Variants in LRRC40 observed in about 807,000 individuals in gnomAD.
LRRC40 encodes leucine rich repeat containing 40.
Under a neutral mutation model 72.8 loss-of-function variants are expected in LRRC40, and 76 were observed. That is an observed-to-expected ratio of 1.04 (90% CI 0.87 to 1.26). The LOEUF (loss-of-function observed/expected upper bound fraction) is 1.26, where lower values mean the gene tolerates loss of function less well. Among genes scored for constraint, LRRC40 ranks in the 50% most tolerant of loss-of-function variants. LRRC40 has a pLI of 0.00. For synonymous variants in LRRC40, 243 were observed against 254.2 expected (o/e 0.96, Z 0.42); for missense variants, 684 against 698.9 (o/e 0.98, Z 0.24).
At chr1:70,154,246 A>G (rs1667586225) in intron 11 of LRRC40, among the ~76,000 whole-genome samples, 1 of 152,160 alleles carries the variant, frequency 6.6e-6, no homozygotes, top group South Asian at 2.1e-4. Context: ...TTTTAATGCA[A>G]CATGTCCATG....
rs676753 is a variant in LRRC40 at position 70,145,525 on chromosome 1, A to C, written c.*275T>G. 4.6e-6 allele frequency: 1 copy of C among 218,938 alleles called. No individual in the cohort carries two copies. Among genetic ancestry groups the C allele is most frequent in the Non-Finnish European group, 8.9e-6 (1 of 112,792 alleles). The allele number at this position is 218,938 out of a possible 1,614,324, so 13.6% of individuals were successfully genotyped here. On this transcript the variant is annotated 3_prime_UTR_variant, in exon 15 of 15. Transcript: ENST00000370952. Reference sequence around the variant, plus strand: ...ATGAAAGTTAGCAGGATAAATCATAAGCAAAACATTTAGAACAAATGTATG... The same window carrying C: ...ATGAAAGTTAGCAGGATAAATCATACGCAAAACATTTAGAACAAATGTATG...
intron 2 of LRRC40, among the ~76,000 whole-genome samples, chr1:70,188,242 C>A (rs1281384115): frequency 6.6e-6 from 1 of 152,036 alleles, no homozygotes; most frequent in Admixed American, 6.6e-5. Context: ...GTAAAGTATA[C>A]CAGATTGTGA....
At chr1:70,159,559 G>T in intron 9 of LRRC40, 121 bp from the exon 10 acceptor site, 1 of 441,298 alleles carries the variant, frequency 2.3e-6, no homozygotes, top group Non-Finnish European at 4.1e-6. Context: ...AATGCCTTTA[G>T]TCATATGCTT....
intron 1 of LRRC40, among the ~76,000 whole-genome samples, chr1:70,198,152 A>T (rs539617411): frequency 6.6e-6 from 1 of 152,278 alleles, no homozygotes; most frequent in East Asian, 1.9e-4. Flanking sequence ...TTTCTTCATG[A>T]TTAGGTGCCC....
At chr1:70,171,884 T>C (rs1668007353) in intron 9 of LRRC40, among the ~76,000 whole-genome samples, 1 of 152,162 alleles carries the variant, frequency 6.6e-6, no homozygotes, top group African/African-American at 2.4e-5. Flanking sequence ...ACATTCACAC[T>C]GAAACCTGTA....
chr1:70,155,937 C>T, intron 10 of LRRC40, 141 bp from the exon 11 acceptor site: 1 of 430,606 alleles, frequency 2.3e-6, no homozygotes, highest in Non-Finnish European at 4.2e-6. Flanking sequence ...TAACAAATGC[C>T]ACATAATCTA....
intron 1 of LRRC40, among the ~76,000 whole-genome samples, chr1:70,194,399 T>C (rs1432745884): frequency 2.6e-5 from 4 of 152,106 alleles, no homozygotes; most frequent in African/African-American, 7.2e-5. Flanking sequence ...AAGATCTGTA[T>C]ATGAAAATAC....
chr1:70,198,449 T>C (rs1668662576), intron 1 of LRRC40, among the ~76,000 whole-genome samples: 1 of 152,166 alleles, frequency 6.6e-6, no homozygotes, highest in South Asian at 2.1e-4. Context: ...ACCATGGTCA[T>C]GCAACTGGAA....
intron 1 of LRRC40, among the ~76,000 whole-genome samples, chr1:70,197,309 A>C (rs1668636529): frequency 6.6e-6 from 1 of 151,360 alleles, no homozygotes; most frequent in African/African-American, 2.4e-5. Context: ...TTTTTTTGAG[A>C]GCCTGTCACC....
chr1:70,194,629 T>C (rs1183503381), intron 1 of LRRC40, among the ~76,000 whole-genome samples: 2 of 149,780 alleles, frequency 1.3e-5, no homozygotes, highest in Non-Finnish European at 3.0e-5. Flanking sequence ...TCAAAAAATT[T>C]TGAAATAAAA....
rs1428936482 is a variant in LRRC40 at position 70,145,651 on chromosome 1, T to TA, written c.*148dup. ...TACTGGCAGTGAATATGGCCCAGGCTAATTATACCAACAGGTAGGTGATAC... is the reference window on the plus strand; with the variant it reads ...TACTGGCAGTGAATATGGCCCAGGCTAAATTATACCAACAGGTAGGTGATAC... On this transcript the variant is annotated 3_prime_UTR_variant, in exon 15 of 15. Coordinates refer to ENST00000370952, the MANE Select transcript of LRRC40 (RefSeq NM_017768.5). 1 of 479,892 alleles carries TA rather than the reference T, an allele frequency of 2.1e-6. No individual in the cohort carries two copies. The highest frequency in any genetic ancestry group is 3.8e-5 in the Admixed American group (1 of 26,474). 29.7% of individuals were successfully genotyped at this position (479,892 alleles called of 1,614,324 possible). A position where few individuals can be genotyped will look rare whatever the true frequency, so the allele number is the denominator to read the frequency against.
chr1:70,172,845 A>T (rs1420410742), intron 9 of LRRC40, among the ~76,000 whole-genome samples: 1 of 151,950 alleles, frequency 6.6e-6, no homozygotes, highest in Non-Finnish European at 1.5e-5. Flanking sequence ...TTTAGCCATT[A>T]TGTTTTGGAG....
intron 9 of LRRC40, among the ~76,000 whole-genome samples, chr1:70,172,391 A>G (rs1159565741): frequency 6.6e-6 from 1 of 152,194 alleles, no homozygotes; most frequent in East Asian, 1.9e-4. Flanking sequence ...TTATGGAAGT[A>G]CACCTTTAAA....
At chr1:70,203,763 T>C (rs1359869781) in intron 1 of LRRC40, among the ~76,000 whole-genome samples, 1 of 152,186 alleles carries the variant, frequency 6.6e-6, no homozygotes, top group Non-Finnish European at 1.5e-5. Flanking sequence ...GATAGGAAGA[T>C]AAGAAGCACG....
intron 1 of LRRC40, among the ~76,000 whole-genome samples, chr1:70,192,680 T>C (rs1202723536): frequency 2.0e-5 from 3 of 152,148 alleles, no homozygotes; most frequent in Non-Finnish European, 4.4e-5. Context: ...TGGATGGAGC[T>C]GGAGGCTATT....
At chr1:70,169,690 A>G (rs1432802666) in intron 9 of LRRC40, among the ~76,000 whole-genome samples, 1 of 152,162 alleles carries the variant, frequency 6.6e-6, no homozygotes, top group Non-Finnish European at 1.5e-5. Flanking sequence ...ACTCAGATAA[A>G]ATGGACACAT....
chr1:70,151,006 TA>T, intron 13 of LRRC40, 121 bp downstream of exon 13: 1 of 548,774 alleles, frequency 1.8e-6, no homozygotes. Context: ...TAAGTGAAAA[TA>T]AAATCTGGAT....
At position 70,173,572 on chromosome 1, in the gene LRRC40, A is replaced by G. The variant is rs374704959; in HGVS notation, c.1065+50T>C. On this transcript the variant is annotated intron_variant, in intron 8 of 14. Transcript: ENST00000370952. ...GCTTTGCAGTTTTACAGATCAACAT[A>G]TATGTCTGAATTTCAATTTAACAAA... 4.0e-5 allele frequency: 59 copies of G among 1,479,972 alleles called. 1 individual carries two copies. In the Admixed American group the frequency reaches 5.7e-4, roughly 14 times the overall value. The allele number at this position is 1,479,972 out of a possible 1,614,324, so 91.7% of individuals were successfully genotyped here. A position where few individuals can be genotyped will look rare whatever the true frequency, so the allele number is the denominator to read the frequency against.
At chr1:70,185,540 T>TTAAACCTC (rs1242689217) in intron 3 of LRRC40, among the ~76,000 whole-genome samples, 1 of 152,220 alleles carries the variant, frequency 6.6e-6, no homozygotes, top group Non-Finnish European at 1.5e-5. Context: ...GTAAGTCCAA[T>TTAAACCTC]TAAACCTCTT....
Sources: allele counts gnomAD v4.1 joint callset (sites outside exome capture counted in the v4.1 genomes callset), GRCh38; gene constraint gnomAD v4.1.1; transcripts MANE v1.5; gene names NCBI Gene and HGNC (gene_info 2026-07-23, HGNC 2026-07-21).